Variants in ANK1 observed in about 807,000 individuals in gnomAD.
ANK1 encodes the protein ankyrin 1.
A neutral mutation model predicts 210.4 loss-of-function variants in ANK1; 51 were observed. That is an observed-to-expected ratio of 0.24 (90% CI 0.19 to 0.31). The LOEUF is 0.31. Among genes scored for constraint, ANK1 ranks in the 10% least tolerant of loss-of-function variants. The probability of loss-of-function intolerance (pLI) is 1.00; values close to 1 mark genes in which losing one functional copy is unlikely to be tolerated. For missense variants in ANK1, 2,051 were observed against 2,504.4 expected, an observed-to-expected ratio of 0.82 and a Z score of 3.86; for synonymous variants, 967 against 1,025.9, an observed-to-expected ratio of 0.94 and a Z score of 1.10.
Position 41,709,093 on chromosome 8 carries a change from G to A in ANK1, c.1801-118C>T, listed in dbSNP as rs57028613. The A allele has an allele frequency of 3.8e-3, 4,514 of 1,182,206 alleles. 155 individuals carry two copies. In the African/African-American group the frequency reaches 0.064, roughly 17 times the overall value. 73.2% of individuals were successfully genotyped at this position (1,182,206 alleles called of 1,614,324 possible). On this transcript the variant is annotated intron_variant, in intron 16 of 42. Transcript: ENST00000289734. The stretch of plus-strand genomic sequence containing the variant: ...GGCTGGACACCCAGTGAGCAGGGCT[G>A]GCATCACCCAGGAGCAATTTAGGTA...
At chr8:41,839,153 G>T (rs770703183) in intron 1 of ANK1, among the ~76,000 whole-genome samples, 2 of 152,224 alleles carry the variant, frequency 1.3e-5, no homozygotes, top group Non-Finnish European at 2.9e-5. Flanking sequence ...TGCAGAAAGA[G>T]AAATTCACCT....
intron 1 of ANK1, among the ~76,000 whole-genome samples, chr8:41,885,048 T>A (rs540360671): frequency 2.4e-4 from 36 of 151,174 alleles, no homozygotes; most frequent in African/African-American, 8.3e-4. Flanking sequence ...AAGTGACAAC[T>A]ATCACATTTG....
chr8:41,883,006 G>T (rs987859676), intron 1 of ANK1, among the ~76,000 whole-genome samples: 1 of 152,210 alleles, frequency 6.6e-6, no homozygotes, highest in East Asian at 1.9e-4. Flanking sequence ...AACAGAAAGG[G>T]CACCTCCTCC....
chr8:41,895,650 C>T (rs1044203005), intron 1 of ANK1, among the ~76,000 whole-genome samples: 1 of 152,178 alleles, frequency 6.6e-6, no homozygotes, highest in Non-Finnish European at 1.5e-5. Context: ...AGCACCCGTG[C>T]CTGGCTTCCA....
intron 2 of ANK1, among the ~76,000 whole-genome samples, chr8:41,735,207 T>C (rs1268986333): frequency 2.0e-5 from 3 of 152,212 alleles, no homozygotes; most frequent in African/African-American, 7.2e-5. Flanking sequence ...CTTGAAACTT[T>C]CCGGCAAAAG....
At chr8:41,691,031 TG>T (rs1251238938) in intron 31 of ANK1, among the ~76,000 whole-genome samples, 1 of 152,202 alleles carries the variant, frequency 6.6e-6, no homozygotes, top group Non-Finnish European at 1.5e-5. Context: ...GAGACCAGCC[TG>T]GGCAACATAG....
At chr8:41,830,606 G>A (rs979941948) in intron 1 of ANK1, among the ~76,000 whole-genome samples, 2 of 152,134 alleles carry the variant, frequency 1.3e-5, no homozygotes, top group African/African-American at 4.8e-5. Flanking sequence ...TTGATTCTAA[G>A]CTTGAAGCAG....
intron 1 of ANK1, among the ~76,000 whole-genome samples, chr8:41,896,146 C>A (rs902359124): frequency 6.6e-6 from 1 of 152,186 alleles, no homozygotes; most frequent in Non-Finnish European, 1.5e-5. Context: ...ACCCGCTCTG[C>A]CCTTCCAGCC....
In ANK1 at chr8:41,704,352, C is replaced by A. The variant is rs1360452037; in HGVS notation, c.2196+22G>T. 6.2e-7 allele frequency: 1 copy of A among 1,607,208 alleles called. No homozygotes were observed. ...CATGGAGAAGGGTCAGTGCAGGAGT[C>A]GGGGCTGGGGCACCCCTGTACCTTG... On this transcript the variant is annotated intron_variant, in intron 19 of 42. Transcript: ENST00000289734. The surrounding 1 kb of genome is among the most constrained non-coding windows in gnomAD (Gnocchi z 4.1).
chr8:41,736,359 T>C (rs1204829948), intron 2 of ANK1, among the ~76,000 whole-genome samples: 1 of 152,246 alleles, frequency 6.6e-6, no homozygotes, highest in African/African-American at 2.4e-5. Flanking sequence ...AAGGAGTCCC[T>C]GCTCCTTCTC....
chr8:41,879,277 G>T (rs1415533309), intron 1 of ANK1, among the ~76,000 whole-genome samples: 1 of 152,000 alleles, frequency 6.6e-6, no homozygotes, highest in Non-Finnish European at 1.5e-5. Flanking sequence ...GGGGGTTGCT[G>T]CCCTCCTGCG....
At chr8:41,797,628 G>GCCTGTGA, upstream of ANK1, 1 of 1,588,896 alleles carries the variant, frequency 6.3e-7, no homozygotes, top group Non-Finnish European at 8.6e-7. The surrounding 1 kb of genome is among the most constrained non-coding windows in gnomAD (Gnocchi z 4.0). Flanking sequence ...CCTCTGCGGG[G>GCCTGTGA]CCTGTGACGT....
At chr8:41,687,959 G>A (rs1246242556) in intron 35 of ANK1, among the ~76,000 whole-genome samples, 197 bp downstream of exon 35, 1 of 152,230 alleles carries the variant, frequency 6.6e-6, no homozygotes, top group East Asian at 1.9e-4. Flanking sequence ...GTCAGACAGA[G>A]ATGGAGGCAG....
chr8:41,831,857 G>A (rs1346130083), intron 1 of ANK1, among the ~76,000 whole-genome samples: 1 of 152,130 alleles, frequency 6.6e-6, no homozygotes, highest in Non-Finnish European at 1.5e-5. Context: ...TGCTACTAAG[G>A]AGCGAATATG....
chr8:41,748,541 T>A (rs189691348), intron 2 of ANK1, among the ~76,000 whole-genome samples: 1 of 152,266 alleles, frequency 6.6e-6, no homozygotes, highest in Admixed American at 6.5e-5. Context: ...CACTCCAGCC[T>A]TTGCAGTCTG....
chr8:41,748,144 T>C (rs1836657138), intron 2 of ANK1, among the ~76,000 whole-genome samples: 1 of 152,188 alleles, frequency 6.6e-6, no homozygotes, highest in South Asian at 2.1e-4. Flanking sequence ...GGCACCTAGC[T>C]GCATATCTGG....
intron 1 of ANK1, among the ~76,000 whole-genome samples, chr8:41,884,901 G>A (rs756348923): frequency 3.9e-5 from 6 of 152,102 alleles, no homozygotes; most frequent in African/African-American, 9.7e-5. Flanking sequence ...AGCACCCTGC[G>A]CAAGGTGTGG....
chr8:41,827,739 C>CAT (rs1805672221), intron 1 of ANK1, among the ~76,000 whole-genome samples: 1 of 148,906 alleles, frequency 6.7e-6, no homozygotes, highest in Admixed American at 6.7e-5. Flanking sequence ...CACATCCACA[C>CAT]ACGCATACAT....
rs139204941 is a variant in ANK1 at position 41,700,364 on chromosome 8, C to G, written c.2462-816G>C. On this transcript the variant is annotated intron_variant, in intron 22 of 42. Coordinates refer to ENST00000289734, the MANE Select transcript of ANK1 (RefSeq NM_000037.4). Reference sequence around the variant, plus strand: ...AAAGCAGGAATGGATTAGTGAGCATCAGGGTTGCTTAGGGTGAAATGCACT... The same window carrying G: ...AAAGCAGGAATGGATTAGTGAGCATGAGGGTTGCTTAGGGTGAAATGCACT... The G allele has an allele frequency of 2.7e-4, 404 of 1,508,062 alleles. 2 individuals are homozygous for G. The African/African-American group carries it at 4.0e-3, about 15-fold the overall frequency. The allele number at this position is 1,508,062 out of a possible 1,614,324, so 93.4% of individuals were successfully genotyped here.
Sources: gnomAD v4.1 joint callset for allele counts (sites outside exome capture counted in the v4.1 genomes callset) on GRCh38, gnomAD v4.1.1 for gene constraint, Gnocchi (gnomAD v3.1) non-coding constraint, MANE v1.5 for transcripts, NCBI Gene and HGNC (gene_info 2026-07-23, HGNC 2026-07-21) for gene names.